RWDD2B: variants seen among roughly 807,000 people sequenced by gnomAD.
RWDD2B encodes RWD domain-containing protein 2B.
RWDD2B carries 36 observed loss-of-function variants against 33.6 expected under a neutral mutation model. That is an observed-to-expected ratio of 1.07 (90% confidence interval 0.82 to 1.42). The LOEUF is 1.42. Among genes scored for constraint, RWDD2B ranks in the 40% most tolerant of loss-of-function variants. RWDD2B has a pLI of 0.00. For missense variants in RWDD2B, 364 were observed against 377.5 expected (o/e 0.96, Z 0.30); for synonymous variants, 126 against 133.1 (o/e 0.95, Z 0.37).
intron 1 of RWDD2B, among the ~76,000 whole-genome samples, chr21:29,010,753 A>C (rs1289692152): frequency 6.6e-6 from 1 of 150,762 alleles, no homozygotes; most frequent in East Asian, 2.0e-4. Context: ...ATCTCGGCTC[A>C]CTGCAACCTC....
chr21:29,013,469 C>G (rs940409241), intron 1 of RWDD2B, among the ~76,000 whole-genome samples: 1 of 151,998 alleles, frequency 6.6e-6, no homozygotes, highest in Admixed American at 6.5e-5. Flanking sequence ...GCGGGCGGAT[C>G]ATGAGGTCAG....
At chr21:29,007,291 C>T (rs150369810) in intron 4 of RWDD2B, among the ~76,000 whole-genome samples, 174 of 152,296 alleles carry the variant, frequency 1.1e-3, no homozygotes, top group African/African-American at 3.7e-3. Flanking sequence ...TGTCAGGTGA[C>T]GGGGAAAATG....
At chr21:29,011,443 T>G (rs1474317609) in intron 1 of RWDD2B, among the ~76,000 whole-genome samples, 3 of 148,882 alleles carry the variant, frequency 2.0e-5, no homozygotes, top group African/African-American at 7.5e-5. Flanking sequence ...AGCCGCTGGG[T>G]CTGAGAAGTG....
At position 29,013,808 on chromosome 21, in the gene RWDD2B, A is replaced by G. The variant is rs75398983; in HGVS notation, c.68-5187T>C. 3.7e-3 allele frequency among the ~76,000 whole-genome samples: 561 copies of G among 152,216 alleles called. 5 individuals carry two copies. Among genetic ancestry groups the G allele is most frequent in the African/African-American group, 0.013 (532 of 41,502 alleles). ...TTTAATGAGGTATAATTTATATGCC[A>G]TACCATACTACTGCCAAGCAAGATC... is the stretch of plus-strand genomic sequence containing the variant. On this transcript the variant is annotated intron_variant, in intron 1 of 4. Transcript: ENST00000493196.
chr21:29,009,162 A>C (rs2084844503), intron 1 of RWDD2B, among the ~76,000 whole-genome samples: 1 of 152,174 alleles, frequency 6.6e-6, no homozygotes, highest in Admixed American at 6.5e-5. Flanking sequence ...ATCCCCGCTC[A>C]CTGCAACCTC....
Position 29,007,857 on chromosome 21 carries a change from G to T in RWDD2B, c.629C>A (p.Ala210Glu), listed in dbSNP as rs1456285968. Reference sequence around the variant, plus strand: ...AAACCCAGACAGGGAAAGCTCCTTTGCCCACTCTAGAATATTCTTTCTTTT... The same window carrying T: ...AAACCCAGACAGGGAAAGCTCCTTTTCCCACTCTAGAATATTCTTTCTTTT... ...KCKRKNILEW[A>E]KELSLSGFSM... The change falls in exon 4 of 5, where the codon GCA becomes GAA. Residue 210 changes from alanine (A) to glutamate (E), a missense_variant. By Grantham distance (107) the Ala-to-Glu change is moderately radical. Coordinates refer to ENST00000493196, the MANE Select transcript of RWDD2B (RefSeq NM_016940.3). 4.3e-6 allele frequency: 7 copies of T among 1,614,066 alleles called. No individual in the cohort carries two copies. Among genetic ancestry groups the T allele is most frequent in the Non-Finnish European group, 5.9e-6 (7 of 1,180,040 alleles).
rs138042508 is a variant in RWDD2B, at chr21:29,019,270, A to C, written c.8T>G (p.Ile3Ser). 2.4e-5 allele frequency: 39 copies of C among 1,603,600 alleles called. No homozygotes were observed. The highest frequency in any genetic ancestry group is 2.6e-5 in the Non-Finnish European group (31 of 1,175,772). The change falls in exon 1 of 5, where the codon ATT becomes AGT. Residue 3 changes from isoleucine (I) to serine (S), a missense_variant. Transcript: ENST00000493196. The stretch of plus-strand genomic sequence containing the variant: ...GTTCCATGGCTGCATGGACAGCTCA[A>C]TTTTCATCAGAAGGGAGCCTCAAAA... MK[I>S]ELSMQPWNPG...
intron 1 of RWDD2B, among the ~76,000 whole-genome samples, chr21:29,011,738 G>C (rs1370726925): frequency 1.1e-4 from 15 of 135,552 alleles, no homozygotes; most frequent in Admixed American, 4.9e-4. Flanking sequence ...CCTCTGCCCG[G>C]CCAGCCGCCC....
At chr21:29,012,081 CT>C (rs2084865691) in intron 1 of RWDD2B, among the ~76,000 whole-genome samples, 1 of 144,306 alleles carries the variant, frequency 6.9e-6, no homozygotes, top group East Asian at 2.2e-4. Context: ...TGAGGAGCCC[CT>C]CTGCCCGGCC....
At chr21:29,017,011 T>G (rs2084893406) in intron 1 of RWDD2B, among the ~76,000 whole-genome samples, 1 of 151,746 alleles carries the variant, frequency 6.6e-6, no homozygotes, top group South Asian at 2.1e-4. Flanking sequence ...CAGGCCAGAG[T>G]GCAGAGTCGG....
At chr21:29,016,270 A>T (rs1238190408) in intron 1 of RWDD2B, among the ~76,000 whole-genome samples, 1 of 150,512 alleles carries the variant, frequency 6.6e-6, no homozygotes, top group South Asian at 2.1e-4. Context: ...TTTTTTATTT[A>T]TTTATTTTTT....
chr21:29,008,383 A>C lies in RWDD2B; in HGVS notation c.294+12T>G, dbSNP rs1276465071. On this transcript the variant is annotated intron_variant, in intron 2 of 4. Transcript: ENST00000493196. ...ACATGTTTCAATCCCTCTAAAAGCA[A>C]AACTGAATTACCATTTTTTCGTCAG... is the stretch of plus-strand genomic sequence containing the variant. 1 of 1,613,666 alleles carries C rather than the reference A, an allele frequency of 6.2e-7. No individual in the cohort carries two copies. The highest frequency in any genetic ancestry group is 8.5e-7 in the Non-Finnish European group (1 of 1,179,618).
rs946619690 is a variant in RWDD2B, at chr21:29,008,342, A to G, written c.295-35T>C. Reference sequence around the variant, plus strand: ...GAGAAGAAGAAAAAGTGCACTAACCAATGTTTTAAGTCTCAACATGTTTCA... The same window carrying G: ...GAGAAGAAGAAAAAGTGCACTAACCGATGTTTTAAGTCTCAACATGTTTCA... On this transcript the variant is annotated intron_variant, in intron 2 of 4. Transcript: ENST00000493196. 1.9e-6 allele frequency: 3 copies of G among 1,612,144 alleles called. No individual in the cohort carries two copies. In the African/African-American group the frequency reaches 4.0e-5, roughly 22 times the overall value.
intron 4 of RWDD2B, 59 bp downstream of exon 4, chr21:29,007,702 G>A: frequency 6.5e-7 from 1 of 1,545,634 alleles, no homozygotes; most frequent in Admixed American, 1.8e-5. Context: ...GCACATGACT[G>A]TATCTTGTTT....
intron 1 of RWDD2B, among the ~76,000 whole-genome samples, chr21:29,016,495 C>G (rs1255584828): frequency 6.6e-6 from 1 of 151,516 alleles, no homozygotes; most frequent in Non-Finnish European, 1.5e-5. Flanking sequence ...AACTCCCGAC[C>G]TCAGGTGATT....
intron 1 of RWDD2B, among the ~76,000 whole-genome samples, chr21:29,018,482 G>A (rs1420084297): frequency 1.3e-5 from 2 of 152,188 alleles, no homozygotes; most frequent in Non-Finnish European, 2.9e-5. Flanking sequence ...CAGGGAGTGA[G>A]TAAAGTTGGG....
At chr21:29,016,076 A>G (rs572484341) in intron 1 of RWDD2B, among the ~76,000 whole-genome samples, 1 of 152,338 alleles carries the variant, frequency 6.6e-6, no homozygotes, top group Non-Finnish European at 1.5e-5. Flanking sequence ...TAGTTTAAAT[A>G]TAAGCATTTA....
At chr21:29,013,418 G>A (rs1177383296) in intron 1 of RWDD2B, among the ~76,000 whole-genome samples, 4 of 152,060 alleles carry the variant, frequency 2.6e-5, no homozygotes, top group Non-Finnish European at 4.4e-5. Flanking sequence ...GGCCTGGCGC[G>A]GTAGCTCACG....
chr21:29,006,373 T>A lies in RWDD2B; in HGVS notation c.*44A>T. The A allele has an allele frequency of 2.3e-6, 3 of 1,282,504 alleles. No homozygotes were observed. The highest frequency in any genetic ancestry group is 3.3e-6 in the Non-Finnish European group (3 of 921,214). The allele number at this position is 1,282,504 out of a possible 1,614,324, so 79.4% of individuals were successfully genotyped here. On this transcript the variant is annotated 3_prime_UTR_variant, in exon 5 of 5. Coordinates refer to ENST00000493196, the MANE Select transcript of RWDD2B (RefSeq NM_016940.3). Reference sequence around the variant, plus strand: ...TTCAAGAAAAAGTGGGAAAAAAAAATCAAAAGGCCAACAGTGGCAAGATAC... The same window carrying A: ...TTCAAGAAAAAGTGGGAAAAAAAAAACAAAAGGCCAACAGTGGCAAGATAC...
Sources: gnomAD v4.1 joint callset for allele counts (sites outside exome capture counted in the v4.1 genomes callset) on GRCh38, gnomAD v4.1.1 for gene constraint, MANE v1.5 for transcripts, NCBI Gene and HGNC (gene_info 2026-07-23, HGNC 2026-07-21) for gene names.